Variants in RBFOX1 observed in about 807,000 individuals in gnomAD.
The protein encoded by RBFOX1 is RNA binding fox-1 homolog 1, also known as RNA binding protein fox-1 homolog 1.
A neutral mutation model predicts 57.7 loss-of-function variants in RBFOX1; 8 were observed. That is an observed-to-expected ratio of 0.14 (90% CI 0.08 to 0.25). The LOEUF (loss-of-function observed/expected upper bound fraction) is 0.25. Among genes scored for constraint, RBFOX1 ranks in the 10% least tolerant of loss-of-function variants. RBFOX1 has a pLI of 1.00. For synonymous variants in RBFOX1, 326 were observed against 222.4 expected (o/e 1.47, Z -4.15); for missense variants, 611 against 548.5 (o/e 1.11, Z -1.14).
chr16:7,117,271 C>T (rs1315385518), intron 4 of RBFOX1, among the ~76,000 whole-genome samples: 1 of 152,118 alleles, frequency 6.6e-6, no homozygotes, highest in Non-Finnish European at 1.5e-5. Flanking sequence ...ATTGTACGAA[C>T]AGCCTAGCTT....
At chr16:7,123,618 A>C (rs1049722126) in intron 4 of RBFOX1, among the ~76,000 whole-genome samples, 2 of 152,096 alleles carry the variant, frequency 1.3e-5, no homozygotes, top group African/African-American at 4.8e-5. Flanking sequence ...TCCTGCCTCA[A>C]CTTCTCAGAG....
chr16:5,283,983 CAT>C (rs2063332849), intron 1 of RBFOX1, among the ~76,000 whole-genome samples: 1 of 152,092 alleles, frequency 6.6e-6, no homozygotes, highest in African/African-American at 2.4e-5. Flanking sequence ...TGAATTCCCA[CAT>C]GTTATTGGAG....
chr16:7,475,270 T>TTAATCG (rs2062412994), intron 4 of RBFOX1, among the ~76,000 whole-genome samples: 1 of 150,986 alleles, frequency 6.6e-6, no homozygotes, highest in Non-Finnish European at 1.5e-5. Context: ...AAGGGAGGAG[T>TTAATCG]GTGCAGCTAC....
chr16:7,304,758 A>G (rs906197530), intron 4 of RBFOX1, among the ~76,000 whole-genome samples: 3 of 152,076 alleles, frequency 2.0e-5, no homozygotes, highest in African/African-American at 4.8e-5. Context: ...TTTCCTTGCT[A>G]CCATCTTCCT....
chr16:6,042,615 A>G (rs2095450051), intron 1 of RBFOX1, among the ~76,000 whole-genome samples: 2 of 152,180 alleles, frequency 1.3e-5, no homozygotes, highest in Admixed American at 6.5e-5. Context: ...GAAGATATTT[A>G]AAGAGGTTTG....
At chr16:7,067,948 G>A (rs1425426353) in intron 4 of RBFOX1, among the ~76,000 whole-genome samples, 2 of 138,008 alleles carry the variant, frequency 1.4e-5, no homozygotes, top group South Asian at 2.2e-4. Context: ...TCTAGAGGGC[G>A]CCATTTTTTT....
intron 1 of RBFOX1, among the ~76,000 whole-genome samples, chr16:6,101,837 C>A (rs2096313130): frequency 6.6e-6 from 1 of 152,168 alleles, no homozygotes; most frequent in African/African-American, 2.4e-5. Flanking sequence ...GCTGCCCTTG[C>A]CCTCATCTGC....
intron 2 of RBFOX1, among the ~76,000 whole-genome samples, chr16:6,368,694 T>G (rs1241467118): frequency 6.6e-6 from 1 of 152,232 alleles, no homozygotes; most frequent in East Asian, 1.9e-4. Flanking sequence ...CACCATTCAT[T>G]GAACAAATGG....
chr16:7,390,649 G>A (rs1269375438), intron 4 of RBFOX1, among the ~76,000 whole-genome samples: 1 of 152,166 alleles, frequency 6.6e-6, no homozygotes, highest in African/African-American at 2.4e-5. Flanking sequence ...GAGGGATGGT[G>A]AATTTATAAA....
intron 2 of RBFOX1, among the ~76,000 whole-genome samples, chr16:6,558,562 C>T (rs1489497240): frequency 6.6e-6 from 1 of 151,886 alleles, no homozygotes; most frequent in Non-Finnish European, 1.5e-5. Flanking sequence ...CAAAAGTTTC[C>T]CTACAAATTG....
chr16:7,299,660 G>A (rs1004512944), intron 4 of RBFOX1, among the ~76,000 whole-genome samples: 5 of 152,192 alleles, frequency 3.3e-5, no homozygotes, highest in African/African-American at 1.2e-4. Context: ...AACTGTGTCT[G>A]AGAAATGGAG....
At chr16:6,970,631 G>A (rs776574498) in intron 3 of RBFOX1, among the ~76,000 whole-genome samples, 1 of 152,108 alleles carries the variant, frequency 6.6e-6, no homozygotes, top group Non-Finnish European at 1.5e-5. Context: ...TTTTGGAAGG[G>A]CACTAATCCC....
chr16:6,701,617 C>G (rs1035321746), intron 3 of RBFOX1, among the ~76,000 whole-genome samples: 1 of 152,018 alleles, frequency 6.6e-6, no homozygotes, highest in African/African-American at 2.4e-5. Context: ...GTGCCAGGCT[C>G]TTTATAAAAA....
chr16:6,736,792 C>T (rs1220342119), intron 3 of RBFOX1, among the ~76,000 whole-genome samples: 1 of 152,142 alleles, frequency 6.6e-6, no homozygotes, highest in Non-Finnish European at 1.5e-5. Context: ...GTGGTTCTGA[C>T]CATGTATGGA....
At chr16:6,530,654 C>T (rs964803207) in intron 2 of RBFOX1, among the ~76,000 whole-genome samples, 2 of 152,060 alleles carry the variant, frequency 1.3e-5, no homozygotes, top group Admixed American at 6.6e-5. Context: ...GGAGGCCTCA[C>T]AATCATGGTG....
intron 3 of RBFOX1, among the ~76,000 whole-genome samples, chr16:6,808,689 G>C (rs1252462993): frequency 2.0e-5 from 3 of 152,132 alleles, no homozygotes; most frequent in African/African-American, 7.2e-5. Context: ...ACAGTGAAGA[G>C]TAATGCTTCC....
intron 3 of RBFOX1, among the ~76,000 whole-genome samples, chr16:5,794,452 C>T (rs554791415): frequency 6.6e-6 from 1 of 151,928 alleles, no homozygotes; most frequent in East Asian, 1.9e-4. Context: ...ATTACAAACA[C>T]CAAAATGTCT....
chr16:7,436,159 C>G (rs1567158172), intron 4 of RBFOX1, among the ~76,000 whole-genome samples: 2 of 152,174 alleles, frequency 1.3e-5, no homozygotes, highest in South Asian at 4.1e-4. Flanking sequence ...TCTCACATTC[C>G]TCTCTTTTGA....
intron 3 of RBFOX1, among the ~76,000 whole-genome samples, chr16:6,775,478 T>G (rs1434826193): frequency 6.6e-6 from 1 of 150,604 alleles, no homozygotes; most frequent in East Asian, 1.9e-4. Flanking sequence ...AAAAAATAGG[T>G]GATAAGATTA....
Sources: gnomAD v4.1 joint callset for allele counts (sites outside exome capture counted in the v4.1 genomes callset) on GRCh38, gnomAD v4.1.1 for gene constraint, MANE v1.5 for transcripts, NCBI Gene and HGNC (gene_info 2026-07-23, HGNC 2026-07-21) for gene names.